GRHL1: variants seen among roughly 807,000 people sequenced by gnomAD.
GRHL1 encodes grainyhead-like protein 1 homolog.
In GRHL1, 38 loss-of-function variants were observed where a neutral mutation model predicts 75.7. That is an observed-to-expected ratio of 0.50 (90% CI 0.39 to 0.66). The LOEUF (loss-of-function observed/expected upper bound fraction) is 0.66, where lower values mean the gene tolerates loss of function less well. GRHL1 is among the 30% of genes least tolerant of loss of function. The pLI is 0.00. For missense variants in GRHL1, 589 were observed against 767.5 expected, an observed-to-expected ratio of 0.77 and a Z score of 2.75; for synonymous variants, 266 against 279.4, an observed-to-expected ratio of 0.95 and a Z score of 0.48.
chr2:9,966,223 C>T lies in GRHL1; in HGVS notation c.1110+842C>T, dbSNP rs146926421. 7.0e-3 allele frequency: 1,064 copies of T among 152,214 alleles called. 10 individuals carry two copies. Among genetic ancestry groups the T allele is most frequent in the Middle Eastern group, 0.061 (18 of 294 alleles). 9.4% of individuals were successfully genotyped at this position (152,214 alleles called of 1,614,324 possible). On this transcript the variant is annotated intron_variant, in intron 8 of 15. Coordinates refer to ENST00000324907, the MANE Select transcript of GRHL1 (RefSeq NM_198182.3). ...GACCAGCCTGGCCAACATGGTGAAA[C>T]CCTGTCTCTACTAAAAATACAAAAA...
chr2:9,960,808 G>T, intron 3 of GRHL1: 1 of 458,916 alleles, frequency 2.2e-6, no homozygotes, highest in Non-Finnish European at 3.9e-6. Context: ...CTTGTTAGAG[G>T]AGAGCTCTGA....
intron 12 of GRHL1, chr2:9,995,262 C>T (rs62127501): frequency 0.12 from 17,614 of 152,182 alleles, 1,048 homozygotes; most frequent in Non-Finnish European, 0.13. Flanking sequence ...AAGGTTATCT[C>T]AGATCCTGCC....
intron 8 of GRHL1, among the ~76,000 whole-genome samples, chr2:9,979,732 TGTG>T (rs1668114804): frequency 6.6e-6 from 1 of 152,220 alleles, no homozygotes; most frequent in South Asian, 2.1e-4. Flanking sequence ...TTACTGTCAT[TGTG>T]GTAATTTTTA....
At chr2:9,993,368 C>G in intron 12 of GRHL1, 124 bp downstream of exon 12, 2 of 742,770 alleles carry the variant, frequency 2.7e-6, no homozygotes, top group Non-Finnish European at 4.8e-6. Flanking sequence ...AGTTGCCAGC[C>G]TGATGGCCCA....
At chr2:9,952,116 C>T (rs1234509383) in intron 1 of GRHL1, among the ~76,000 whole-genome samples, 1 of 85,576 alleles carries the variant, frequency 1.2e-5, no homozygotes, top group South Asian at 3.4e-4. Flanking sequence ...CCCTCCTCCG[C>T]GGCCAGGTTG....
Position 9,961,059 on chromosome 2 carries a change from A to G in GRHL1, c.292A>G (p.Ile98Val), listed in dbSNP as rs1024921410. Reference protein sequence around the residue: ...PDHSKRNSIPIVTEQPLISAG... With the variant: ...PDHSKRNSIPVVTEQPLISAG... Reference sequence around the variant, plus strand: ...CTTTTCTTAAAGAAACAGCATACCAATTGTGACAGAGCAGCCCCTCATCTC... The same window carrying G: ...CTTTTCTTAAAGAAACAGCATACCAGTTGTGACAGAGCAGCCCCTCATCTC... Residue 98 changes from isoleucine (I) to valine (V), a missense_variant, in exon 4 of 16, where the codon ATT becomes GTT. Coordinates refer to ENST00000324907, the MANE Select transcript of GRHL1 (RefSeq NM_198182.3). 4.5e-6 allele frequency: 7 copies of G among 1,547,428 alleles called. No individual in the cohort carries two copies. The highest frequency in any genetic ancestry group is 4.9e-5 in the East Asian group (2 of 40,832).
chr2:9,986,063 T>G, intron 8 of GRHL1, 61 bp from the exon 9 acceptor site: 3,181 of 1,100,232 alleles, frequency 2.9e-3, no homozygotes, highest in Non-Finnish European at 3.7e-3. Context: ...AATATTTTCA[T>G]GAGCTGTGCT....
At chr2:9,981,060 A>C (rs1298248991) in intron 8 of GRHL1, among the ~76,000 whole-genome samples, 1 of 152,258 alleles carries the variant, frequency 6.6e-6, no homozygotes, top group Non-Finnish European at 1.5e-5. Context: ...ACTGAGGAAC[A>C]AAGTGTGCCC....
At chr2:9,981,220 A>C (rs1392060333) in intron 8 of GRHL1, among the ~76,000 whole-genome samples, 1 of 152,188 alleles carries the variant, frequency 6.6e-6, no homozygotes, top group Non-Finnish European at 1.5e-5. Context: ...AGCTCCCCGG[A>C]AGCTGCACTT....
At chr2:9,970,597 C>G (rs542628554) in intron 8 of GRHL1, among the ~76,000 whole-genome samples, 1 of 152,322 alleles carries the variant, frequency 6.6e-6, no homozygotes, top group East Asian at 1.9e-4. Context: ...TTTCAACATA[C>G]TTTTGTCTCT....
chr2:9,951,761 C>T lies in GRHL1; in HGVS notation c.-73C>T. ...GACCCGCAGCCGCCGCCGCCGCCTCCTCCCCCCGGATCGGGTGTACTGTCC... is the reference window on the plus strand; with the variant it reads ...GACCCGCAGCCGCCGCCGCCGCCTCTTCCCCCCGGATCGGGTGTACTGTCC... On this transcript the variant is annotated 5_prime_UTR_variant, in exon 1 of 16. Coordinates refer to ENST00000324907, the MANE Select transcript of GRHL1 (RefSeq NM_198182.3). This position sits in a 1 kb window ranked among gnomAD's most constrained non-coding sequence, Gnocchi z 4.2. 7.1e-7 allele frequency: 1 copy of T among 1,409,436 alleles called. No homozygotes were observed. 87.3% of individuals were successfully genotyped at this position (1,409,436 alleles called of 1,614,324 possible). A position where few individuals can be genotyped will look rare whatever the true frequency, so the allele number is the denominator to read the frequency against.
At chr2:9,986,938 C>T (rs1424640487) in intron 9 of GRHL1, among the ~76,000 whole-genome samples, 1 of 151,754 alleles carries the variant, frequency 6.6e-6, no homozygotes, top group Non-Finnish European at 1.5e-5. Flanking sequence ...GAACTCCGGT[C>T]CTCAAGTGAT....
intron 8 of GRHL1, among the ~76,000 whole-genome samples, chr2:9,982,576 G>C (rs1054100708): frequency 1.3e-5 from 2 of 152,204 alleles, no homozygotes; most frequent in Non-Finnish European, 2.9e-5. Flanking sequence ...AGTGTGCATA[G>C]AATTAGCTGG....
At chr2:9,997,651 G>C (rs112430508) in intron 14 of GRHL1, among the ~76,000 whole-genome samples, 4,286 of 151,710 alleles carry the variant, frequency 0.028, 185 homozygotes, top group African/African-American at 0.097. Context: ...GAGAAACCCT[G>C]TCTCTACTAA....
chr2:9,977,834 A>T (rs1053345652), intron 8 of GRHL1, among the ~76,000 whole-genome samples: 1 of 152,192 alleles, frequency 6.6e-6, no homozygotes, highest in East Asian at 1.9e-4. Context: ...AGTCTGGTGT[A>T]TTAGTCCATT....
intron 13 of GRHL1, 62 bp from the exon 14 acceptor site, chr2:9,996,254 G>A: frequency 8.2e-7 from 1 of 1,212,548 alleles, no homozygotes; most frequent in Non-Finnish European, 1.2e-6. Flanking sequence ...TTTTGCTCAT[G>A]TGAACTGTAT....
chr2:9,958,833 C>T lies in GRHL1; in HGVS notation c.255C>T (p.His85=). The change falls in exon 3 of 16, where the codon CAC becomes CAT. Residue 85 remains histidine (H), a synonymous_variant. Transcript: ENST00000324907. ...CAACAGCAAAGCCAGAGGTGGAGCA[C>T]CCTGAGCCAGATCACAGCAAAAGGT... is the stretch of plus-strand genomic sequence containing the variant. The part of the protein sequence containing the change: ...RSSTAKPEVE[H]PEPDHSKRNS... 6.2e-7 allele frequency: 1 copy of T among 1,613,718 alleles called. No individual in the cohort carries two copies. Among genetic ancestry groups the T allele is most frequent in the Admixed American group, 1.7e-5 (1 of 60,012 alleles).
rs1381245498 is a variant in GRHL1, at chr2:9,992,183, G to C, written c.1461+37G>C. 6.3e-7 allele frequency: 1 copy of C among 1,590,952 alleles called. No individual in the cohort carries two copies. Among genetic ancestry groups the C allele is most frequent in the African/African-American group, 1.4e-5 (1 of 73,960 alleles). On this transcript the variant is annotated intron_variant, in intron 11 of 15. Coordinates refer to ENST00000324907, the MANE Select transcript of GRHL1 (RefSeq NM_198182.3). This position sits in a 1 kb window ranked among gnomAD's most constrained non-coding sequence, Gnocchi z 4.6. ...GGATCCCAGGGGAGGTTACCAGGAA[G>C]GAAGGCATGGCAAAAGGAAATTCTT...
rs1374770092 is a variant in GRHL1 at position 9,968,092 on chromosome 2, A to G, written c.1110+2711A>G. 6.6e-6 allele frequency among the ~76,000 whole-genome samples: 1 copy of G among 152,054 alleles called. No individual in the cohort carries two copies. Among genetic ancestry groups the G allele is most frequent in the Admixed American group, 6.5e-5 (1 of 15,282 alleles). Reference sequence around the variant, plus strand: ...GAAAATCTGTCAACATCTGAATCTTACCTGTAGCTTCTGCTTCTCCGTTTG... The same window carrying G: ...GAAAATCTGTCAACATCTGAATCTTGCCTGTAGCTTCTGCTTCTCCGTTTG... On this transcript the variant is annotated intron_variant, in intron 8 of 15. Transcript: ENST00000324907. This position sits in a 1 kb window ranked among gnomAD's most constrained non-coding sequence, Gnocchi z 4.7.
Sources: allele counts gnomAD v4.1 joint callset (sites outside exome capture counted in the v4.1 genomes callset), GRCh38; gene constraint gnomAD v4.1.1; non-coding constraint Gnocchi (gnomAD v3.1); transcripts MANE v1.5; gene names NCBI Gene and HGNC (gene_info 2026-07-23, HGNC 2026-07-21).